CD86: variants seen among roughly 807,000 people sequenced by gnomAD.
The protein encoded by CD86 is CD86 molecule.
A neutral mutation model predicts 32.1 loss-of-function variants in CD86; 11 were observed. The ratio of observed to expected loss-of-function variants is 0.34; its 90% CI spans 0.22 to 0.57. CD86 has a LOEUF of 0.57. Ranked by LOEUF, CD86 falls within the 20% of genes least tolerant of loss-of-function variation. CD86 has a pLI of 0.86. For synonymous variants in CD86, 137 were observed against 135.3 expected, an observed-to-expected ratio of 1.01 and a Z score of -0.09; for missense variants, 359 against 398.4, an observed-to-expected ratio of 0.90 and a Z score of 0.84.
intron 1 of CD86, among the ~76,000 whole-genome samples, chr3:122,080,451 A>C (rs2072617151): frequency 6.6e-6 from 1 of 152,148 alleles, no homozygotes. Context: ...TCGCCATGCT[A>C]TGCTCCTTCT....
At chr3:122,066,276 A>C (rs577705125) in intron 1 of CD86, among the ~76,000 whole-genome samples, 1 of 152,186 alleles carries the variant, frequency 6.6e-6, no homozygotes, top group East Asian at 1.9e-4. Flanking sequence ...TGGTTTCCAC[A>C]TTCTGAGGGT....
chr3:122,103,238 A>ACTTC (rs1042855664), intron 2 of CD86, among the ~76,000 whole-genome samples: 1 of 152,204 alleles, frequency 6.6e-6, no homozygotes, highest in African/African-American at 2.4e-5. Context: ...GACCCTTGGA[A>ACTTC]CATTTAGTCA....
chr3:122,106,933 A>G (rs1019795659), intron 4 of CD86, among the ~76,000 whole-genome samples: 1 of 151,916 alleles, frequency 6.6e-6, no homozygotes, highest in Admixed American at 6.6e-5. Flanking sequence ...TTGGGACATT[A>G]TTGGTCACAG....
At chr3:122,095,838 A>G (rs1215701659) in intron 2 of CD86, among the ~76,000 whole-genome samples, 1 of 152,172 alleles carries the variant, frequency 6.6e-6, no homozygotes, top group Non-Finnish European at 1.5e-5. Context: ...AGAGAAAATG[A>G]GCAATCAGAC....
chr3:122,107,345 T>C (rs1383664850), intron 4 of CD86, among the ~76,000 whole-genome samples: 1 of 152,214 alleles, frequency 6.6e-6, no homozygotes. Flanking sequence ...GTGGATCAGC[T>C]GTATCTGACG....
chr3:122,086,747 AC>A (rs1559904596), intron 1 of CD86, among the ~76,000 whole-genome samples: 2 of 151,860 alleles, frequency 1.3e-5, no homozygotes, highest in African/African-American at 4.8e-5. Context: ...TTCTTCTCCC[AC>A]CCCAGTCTGT....
intron 1 of CD86, among the ~76,000 whole-genome samples, chr3:122,083,243 G>T (rs1231655533): frequency 6.6e-6 from 1 of 152,128 alleles, no homozygotes; most frequent in Non-Finnish European, 1.5e-5. Flanking sequence ...GATGATATCA[G>T]TCTCAGCTCT....
intron 1 of CD86, among the ~76,000 whole-genome samples, chr3:122,072,943 G>A (rs1261861086): frequency 6.6e-6 from 1 of 151,778 alleles, no homozygotes; most frequent in Admixed American, 6.6e-5. Context: ...TCAGCTTTCT[G>A]CATATGGCTA....
At chr3:122,098,673 C>T (rs1031684427) in intron 2 of CD86, among the ~76,000 whole-genome samples, 12 of 152,238 alleles carry the variant, frequency 7.9e-5, no homozygotes, top group Non-Finnish European at 1.2e-4. Context: ...GGGACAAGGA[C>T]GGAGCAGGCA....
chr3:122,059,826 C>A (rs1477071082), intron 1 of CD86, among the ~76,000 whole-genome samples: 1 of 151,974 alleles, frequency 6.6e-6, no homozygotes, highest in Admixed American at 6.6e-5. Flanking sequence ...TAATCCAAGA[C>A]AATTGTTGTG....
At chr3:122,111,377 T>A (rs143950778) in intron 5 of CD86, among the ~76,000 whole-genome samples, 136 of 152,326 alleles carry the variant, frequency 8.9e-4, no homozygotes, top group African/African-American at 3.1e-3. Context: ...CCTCCTATAC[T>A]CCAGAACCTG....
At chr3:122,074,296 C>T (rs1559900337) in intron 1 of CD86, among the ~76,000 whole-genome samples, 1 of 152,174 alleles carries the variant, frequency 6.6e-6, no homozygotes, top group Non-Finnish European at 1.5e-5. Context: ...CTTCTTCTTG[C>T]ACTTCAAAAG....
intron 1 of CD86, among the ~76,000 whole-genome samples, chr3:122,091,097 AT>A (rs2072810520): frequency 2.0e-5 from 3 of 152,224 alleles, no homozygotes; most frequent in African/African-American, 7.2e-5. Context: ...AAGATAAATA[AT>A]ACTAGCTACT....
intron 1 of CD86, among the ~76,000 whole-genome samples, chr3:122,083,445 C>T (rs1163850993): frequency 6.6e-6 from 1 of 152,120 alleles, no homozygotes; most frequent in Non-Finnish European, 1.5e-5. Flanking sequence ...TTCCCTTTGC[C>T]GAGAACTCTT....
At chr3:122,064,770 A>G (rs1355751110) in intron 1 of CD86, among the ~76,000 whole-genome samples, 3 of 152,218 alleles carry the variant, frequency 2.0e-5, no homozygotes, top group Non-Finnish European at 4.4e-5. Flanking sequence ...TCAGAGGTTC[A>G]GGAGAGAGTG....
chr3:122,073,499 T>C (rs1042669453), intron 1 of CD86, among the ~76,000 whole-genome samples: 1 of 152,174 alleles, frequency 6.6e-6, no homozygotes, highest in African/African-American at 2.4e-5. Context: ...GGTTGATACA[T>C]GTTTCTGCTT....
chr3:122,106,996 A>G (rs1281353293), intron 4 of CD86, among the ~76,000 whole-genome samples: 1 of 152,196 alleles, frequency 6.6e-6, no homozygotes, highest in Non-Finnish European at 1.5e-5. Flanking sequence ...ACCTTCCAAT[A>G]GAATCAGAAC....
chr3:122,103,388 TAATATCTTATTCTTCAGCATG>T (rs2073040408), intron 2 of CD86, 103 bp from the exon 3 acceptor site: 5 of 678,466 alleles, frequency 7.4e-6, no homozygotes, highest in Non-Finnish European at 1.2e-5. Flanking sequence ...TTCCAGAGCT[TAATATCTTATTCTTCAGCATG>T]ATTACTGATA....
intron 1 of CD86, among the ~76,000 whole-genome samples, chr3:122,062,464 A>G (rs1157693299): frequency 6.6e-6 from 1 of 152,202 alleles, no homozygotes; most frequent in African/African-American, 2.4e-5. Context: ...AAAGATGAGT[A>G]TGAGTAAACA....
Sources: gnomAD v4.1 joint callset for allele counts (sites outside exome capture counted in the v4.1 genomes callset) on GRCh38, gnomAD v4.1.1 for gene constraint, MANE v1.5 for transcripts, NCBI Gene and HGNC (gene_info 2026-07-23, HGNC 2026-07-21) for gene names.